Variants in HEY2 observed in about 807,000 individuals in gnomAD.
HEY2 encodes hairy/enhancer-of-split related with YRPW motif protein 2.
In HEY2, 10 loss-of-function variants were observed where a neutral mutation model predicts 18.1. That is an observed-to-expected ratio of 0.55 (90% confidence interval 0.34 to 0.94). The LOEUF is 0.94. HEY2 is among the 40% of genes least tolerant of loss of function. HEY2 has a pLI of 0.02. For missense variants in HEY2, 455 were observed against 455.9 expected (o/e 1.00, Z 0.02); for synonymous variants, 210 against 182.7 (o/e 1.15, Z -1.21).
At chr6:125,749,922 G>T in intron 1 of HEY2, 63 bp downstream of exon 1, 1 of 1,298,292 alleles carries the variant, frequency 7.7e-7, no homozygotes. Flanking sequence ...TTGTGAATGC[G>T]TGGCTCCCTG....
chr6:125,757,481 A>G (rs954610223), intron 4 of HEY2, among the ~76,000 whole-genome samples: 2 of 152,194 alleles, frequency 1.3e-5, no homozygotes, highest in African/African-American at 4.8e-5. Context: ...TTTGCCACAA[A>G]TATCTTTTGG....
chr6:125,751,689 A>G, intron 1 of HEY2, 112 bp from the exon 2 acceptor site: 1 of 667,514 alleles, frequency 1.5e-6, no homozygotes, highest in Non-Finnish European at 2.6e-6. Context: ...GAATAAAATA[A>G]CACAGACTTG....
At chr6:125,757,384 G>A (rs3799708) in intron 4 of HEY2, among the ~76,000 whole-genome samples, 83,368 of 152,012 alleles carry the variant, frequency 0.55, 23,156 homozygotes, top group East Asian at 0.75. Flanking sequence ...GATGATAACT[G>A]TTTTTGCTGC....
intron 3 of HEY2, 33 bp downstream of exon 3, chr6:125,752,123 C>A: frequency 1.6e-6 from 2 of 1,251,392 alleles, no homozygotes; most frequent in Non-Finnish European, 2.3e-6. Context: ...TCCCCCCACC[C>A]ACCCCGCCAC....
chr6:125,751,994 T>G lies in HEY2; in HGVS notation c.163-13T>G. On this transcript the variant is annotated splice_polypyrimidine_tract_variant and intron_variant, in intron 2 of 4. Coordinates refer to ENST00000368364, the MANE Select transcript of HEY2 (RefSeq NM_012259.3). ...GAATTCATAAACTTTTGTTGTTTGC[T>G]TCTTTTGGATAGATTATAGAGAAAA... 6.2e-7 allele frequency: 1 copy of G among 1,610,752 alleles called. No homozygotes were observed. The highest frequency in any genetic ancestry group is 8.5e-7 in the Non-Finnish European group (1 of 1,177,260).
chr6:125,758,590 G>T (rs1031921741), intron 4 of HEY2, among the ~76,000 whole-genome samples: 13 of 152,118 alleles, frequency 8.5e-5, no homozygotes, highest in African/African-American at 2.4e-4. Flanking sequence ...AATTTATTGC[G>T]ATTCTAGCAC....
rs1773550408 is a variant in HEY2 at position 125,751,896 on chromosome 6, CCT to C, written c.162+18_162+19del. The C allele has an allele frequency of 6.2e-7, 1 of 1,604,030 alleles. No homozygotes were observed. The highest frequency in any genetic ancestry group is 1.3e-5 in the African/African-American group (1 of 74,556). ...AGGAGAGGGGTATGTGATTTTTCCC[CCT>C]TTTTATTTCATGTAACTTATACTAT... On this transcript the variant is annotated intron_variant, in intron 2 of 4. Coordinates refer to ENST00000368364, the MANE Select transcript of HEY2 (RefSeq NM_012259.3).
intron 3 of HEY2, among the ~76,000 whole-genome samples, chr6:125,754,172 T>C (rs576155800): frequency 9.8e-5 from 15 of 152,324 alleles, no homozygotes; most frequent in African/African-American, 3.6e-4. Context: ...ACAACTGAAA[T>C]CATTTTGCTG....
chr6:125,759,515 A>G lies in HEY2; in HGVS notation c.727A>G (p.Thr243Ala), dbSNP rs752210748. ...HADSALRMPSTGSVAPCVPPL... is the reference protein window; with the variant it reads ...HADSALRMPSAGSVAPCVPPL... ...GGATTCAGCCCTCCGAATGCCATCC[A>G]CGGGCAGCGTCGCCCCCTGCGTGCC... Residue 243 changes from threonine (T) to alanine (A), a missense_variant, in exon 5 of 5, where the codon ACG (threonine) becomes GCG (alanine). Coordinates refer to ENST00000368364, the MANE Select transcript of HEY2 (RefSeq NM_012259.3). The G allele has an allele frequency of 3.1e-6, 5 of 1,611,182 alleles. No individual in the cohort carries two copies. Among genetic ancestry groups the G allele is most frequent in the Admixed American group, 1.7e-5 (1 of 60,022 alleles).
intron 4 of HEY2, among the ~76,000 whole-genome samples, chr6:125,758,770 A>C (rs1470079017): frequency 6.6e-6 from 1 of 152,164 alleles, no homozygotes; most frequent in African/African-American, 2.4e-5. Context: ...TCACTATCCC[A>C]CAATACAAAG....
Position 125,752,167 on chromosome 6 carries a change from G to A in HEY2, c.246+77G>A, listed in dbSNP as rs1456647131. On this transcript the variant is annotated intron_variant, in intron 3 of 4. Transcript: ENST00000368364. Reference sequence around the variant, plus strand: ...AAAAAGCTCAAACACAATCTGATTCGCTCATCTGGGAATGTGGGTTCTTGT... The same window carrying A: ...AAAAAGCTCAAACACAATCTGATTCACTCATCTGGGAATGTGGGTTCTTGT... The A allele has an allele frequency of 1.3e-4, 99 of 762,538 alleles. 5 individuals carry two copies. In the South Asian group the frequency reaches 1.4e-3, roughly 11 times the overall value. The allele number at this position is 762,538 out of a possible 1,614,324, so 47.2% of individuals were successfully genotyped here.
At chr6:125,754,587 T>C in intron 4 of HEY2, 41 bp downstream of exon 4, 1 of 1,104,048 alleles carries the variant, frequency 9.1e-7, no homozygotes, top group Non-Finnish European at 1.3e-6. Flanking sequence ...TTGCCTTTTT[T>C]ACCTTTCTCT....
chr6:125,753,494 G>C (rs547257071), intron 3 of HEY2, among the ~76,000 whole-genome samples: 1 of 151,946 alleles, frequency 6.6e-6, no homozygotes, highest in Non-Finnish European at 1.5e-5. Context: ...CACTCTCACC[G>C]TACGTGGTGC....
Position 125,760,579 on chromosome 6 carries a change from G to A in HEY2, c.*777G>A, listed in dbSNP as rs1268078. On this transcript the variant is annotated 3_prime_UTR_variant, in exon 5 of 5. Transcript: ENST00000368364. ...TTTGGATGGCTCAAAATATGGTGCT[G>A]CTTTATATAAACCTTACATTTATAT... The A allele has an allele frequency of 6.6e-6, 1 of 152,116 alleles. No individual in the cohort carries two copies. The highest frequency in any genetic ancestry group is 2.4e-5 in the African/African-American group (1 of 41,394). 9.4% of individuals were successfully genotyped at this position (152,116 alleles called of 1,614,324 possible).
At chr6:125,755,774 T>C (rs1353743888) in intron 4 of HEY2, among the ~76,000 whole-genome samples, 3 of 152,130 alleles carry the variant, frequency 2.0e-5, no homozygotes, top group African/African-American at 7.2e-5. Context: ...TCTTACATAA[T>C]AGAAAAGATA....
chr6:125,755,691 C>T (rs1773640929), intron 4 of HEY2, among the ~76,000 whole-genome samples: 1 of 152,170 alleles, frequency 6.6e-6, no homozygotes, highest in Non-Finnish European at 1.5e-5. Flanking sequence ...CAGAGAAGCC[C>T]CAATGGGTTG....
At chr6:125,752,788 C>G (rs566328885) in intron 3 of HEY2, among the ~76,000 whole-genome samples, 2 of 152,320 alleles carry the variant, frequency 1.3e-5, no homozygotes, top group East Asian at 3.9e-4. Context: ...TGGCTCTCCC[C>G]CTGCCGCAGT....
chr6:125,756,434 G>C (rs939118713), intron 4 of HEY2, among the ~76,000 whole-genome samples: 1 of 152,164 alleles, frequency 6.6e-6, no homozygotes, highest in African/African-American at 2.4e-5. Context: ...GGGCATGGTG[G>C]TGCATGCCTG....
chr6:125,754,691 A>G (rs1773622017), intron 4 of HEY2, 145 bp downstream of exon 4: 7 of 444,736 alleles, frequency 1.6e-5, no homozygotes, highest in Non-Finnish European at 2.8e-5. Context: ...AGCCATGGAA[A>G]TCAATGCTAA....
Sources: gnomAD v4.1 joint callset for allele counts (sites outside exome capture counted in the v4.1 genomes callset) on GRCh38, gnomAD v4.1.1 for gene constraint, MANE v1.5 for transcripts, NCBI Gene and HGNC (gene_info 2026-07-23, HGNC 2026-07-21) for gene names.